SNX31: variants seen among roughly 807,000 people sequenced by gnomAD.
SNX31 encodes sorting nexin-31.
In SNX31, 58 loss-of-function variants were observed where a neutral mutation model predicts 65.4. The ratio of observed to expected loss-of-function variants is 0.89; its 90% confidence interval spans 0.72 to 1.10. SNX31 has a LOEUF of 1.10. SNX31 is among the 50% of genes least tolerant of loss of function. SNX31 has a pLI of 0.00. For missense variants in SNX31, 523 were observed against 529.7 expected (o/e 0.99, Z 0.12); for synonymous variants, 181 against 190.1 (o/e 0.95, Z 0.39).
At chr8:100,645,554 G>A (rs1481755068) in intron 2 of SNX31, among the ~76,000 whole-genome samples, 1 of 151,576 alleles carries the variant, frequency 6.6e-6, no homozygotes, top group Non-Finnish European at 1.5e-5. Context: ...AATTTAATTG[G>A]GAGACTTTGT....
In SNX31 at chr8:100,635,960, G is replaced by A. The variant is rs1319921726; in HGVS notation, c.193C>T (p.Leu65=). ...TCAGCCATAGCTGTGGTCATTGCCA[G>A]ATAGTACTTTGGTGGGAAGGGTGGC... ...CLPPFPPKYY[L]AMTTAMADER... Residue 65 remains leucine (L), a synonymous_variant, in exon 3 of 14, where the codon CTG becomes TTG. Coordinates refer to ENST00000311812, the MANE Select transcript of SNX31 (RefSeq NM_152628.4). The A allele has an allele frequency of 1.2e-6, 2 of 1,614,182 alleles. No individual in the cohort carries two copies. The highest frequency in any genetic ancestry group is 8.5e-7 in the Non-Finnish European group (1 of 1,180,014).
chr8:100,574,723 C>T (rs1812900954), intron 13 of SNX31, among the ~76,000 whole-genome samples: 1 of 152,008 alleles, frequency 6.6e-6, no homozygotes, highest in African/African-American at 2.4e-5. Context: ...CACTTGAGGC[C>T]AGGAGTACGA....
rs1303298608 is a variant in SNX31, at chr8:100,600,348, C to A, written c.774+1G>T. On this transcript the variant is annotated splice_donor_variant, in intron 9 of 13. Coordinates refer to ENST00000311812, the MANE Select transcript of SNX31 (RefSeq NM_152628.4). LOFTEE classifies it high-confidence loss of function. ...TTCTCTTGGAGCAATATTTGATTCA[C>A]CTTTGTTTGACTGTCTTCTTTCTGG... 6 of 1,612,450 alleles carry A rather than the reference C, an allele frequency of 3.7e-6. No individual in the cohort carries two copies.
At chr8:100,616,861 G>A (rs1041655548) in intron 5 of SNX31, among the ~76,000 whole-genome samples, 5 of 152,290 alleles carry the variant, frequency 3.3e-5, no homozygotes, top group African/African-American at 9.6e-5. Flanking sequence ...TCCTTTGAAA[G>A]GTCCTAGAAA....
chr8:100,641,010 C>A (rs1819134056), intron 2 of SNX31, among the ~76,000 whole-genome samples: 4 of 152,026 alleles, frequency 2.6e-5, no homozygotes. Context: ...TAATATAAAA[C>A]CTTAATAATA....
At position 100,614,122 on chromosome 8, in the gene SNX31, G is replaced by A. The variant is rs1052590655; in HGVS notation, c.433-1037C>T. ...CTCAGCATAGCTTTGAAAATAAAGA[G>A]CAGCTGAGGAATAGTTTCACCACTT... On this transcript the variant is annotated intron_variant, in intron 5 of 13. Coordinates refer to ENST00000311812, the MANE Select transcript of SNX31 (RefSeq NM_152628.4). This position sits in a 1 kb window ranked among gnomAD's most constrained non-coding sequence, Gnocchi z 5.1. Among the ~76,000 whole-genome samples, 6 of 152,194 alleles carry A rather than the reference G, an allele frequency of 3.9e-5. No homozygotes were observed. The highest frequency in any genetic ancestry group is 5.9e-5 in the Non-Finnish European group (4 of 68,044).
rs1343162776 is a variant in SNX31, at chr8:100,612,602, T to A, written c.523+393A>T. On this transcript the variant is annotated intron_variant, in intron 6 of 13. Coordinates refer to ENST00000311812, the MANE Select transcript of SNX31 (RefSeq NM_152628.4). The surrounding 1 kb of genome is among the most constrained non-coding windows in gnomAD (Gnocchi z 4.3). ...TTGAAAAAAGAATCTAATAACTCAT[T>A]GATACCATCCACAAATATTCCTTAA... 6.6e-6 allele frequency among the ~76,000 whole-genome samples: 1 copy of A among 152,178 alleles called. No individual in the cohort carries two copies. The highest frequency in any genetic ancestry group is 1.5e-5 in the Non-Finnish European group (1 of 68,026).
intron 10 of SNX31, among the ~76,000 whole-genome samples, chr8:100,592,984 C>T (rs1008080044): frequency 6.6e-6 from 1 of 152,150 alleles, no homozygotes; most frequent in Admixed American, 6.5e-5. Context: ...ATAGGCAAAT[C>T]TATTCTATAG....
At chr8:100,646,951 G>A (rs965252783) in intron 2 of SNX31, among the ~76,000 whole-genome samples, 2 of 152,256 alleles carry the variant, frequency 1.3e-5, no homozygotes. Flanking sequence ...TATGACTTTA[G>A]GAAAATTGTG....
At chr8:100,593,713 C>A (rs1814799850) in intron 10 of SNX31, among the ~76,000 whole-genome samples, 1 of 152,022 alleles carries the variant, frequency 6.6e-6, no homozygotes, top group African/African-American at 2.4e-5. Flanking sequence ...CTCGGCCTCC[C>A]AAAGTGCTGG....
chr8:100,649,407 C>T (rs371256946), intron 1 of SNX31, 42 bp downstream of exon 1: 243 of 1,596,828 alleles, frequency 1.5e-4, no homozygotes, highest in Non-Finnish European at 2.0e-4. Context: ...GCATTGCCAC[C>T]GGCCCCCTCC....
intron 12 of SNX31, among the ~76,000 whole-genome samples, chr8:100,577,821 C>T (rs1291889541): frequency 6.6e-6 from 1 of 152,138 alleles, no homozygotes; most frequent in Non-Finnish European, 1.5e-5. Context: ...ATTCCAGCCC[C>T]AGAGACCCAG....
chr8:100,652,664 C>T (rs773138979), upstream of SNX31, among the ~76,000 whole-genome samples: 7 of 152,022 alleles, frequency 4.6e-5, no homozygotes, highest in Non-Finnish European at 8.8e-5. Context: ...ATCTTTTTGG[C>T]TCTTTGATAT....
At position 100,604,921 on chromosome 8, in the gene SNX31, CAG is replaced by C. The variant is rs1460508771; in HGVS notation, c.681+3571_681+3572del. Among the ~76,000 whole-genome samples the C allele has an allele frequency of 2.0e-4, 30 of 150,618 alleles. No homozygotes were observed. In the East Asian group the frequency reaches 5.7e-3, roughly 28 times the overall value. ...AGTCTTTTTTTTTCTTTTTTTTTGA[CAG>C]AGTCTCGTGCTGTCACCCAAGCAGG... On this transcript the variant is annotated intron_variant, in intron 8 of 13. Coordinates refer to ENST00000311812, the MANE Select transcript of SNX31 (RefSeq NM_152628.4). This position sits in a 1 kb window ranked among gnomAD's most constrained non-coding sequence, Gnocchi z 4.3.
At chr8:100,657,593 G>A (rs1820072429) in intron 1 of SNX31, 2 of 445,164 alleles carry the variant, frequency 4.5e-6, no homozygotes, top group Admixed American at 4.8e-5. Flanking sequence ...TACCTGTGGA[G>A]TCCAGACTGT....
chr8:100,662,254 C>T (rs1004473679), intron 1 of SNX31, among the ~76,000 whole-genome samples: 1 of 152,184 alleles, frequency 6.6e-6, no homozygotes, highest in Non-Finnish European at 1.5e-5. Context: ...ATGACAGAGC[C>T]AGGATATGAA....
At chr8:100,608,376 A>C in intron 8 of SNX31, 118 bp downstream of exon 8, 1 of 856,546 alleles carries the variant, frequency 1.2e-6, no homozygotes, top group Non-Finnish European at 1.9e-6. Context: ...TGTCTCTATG[A>C]ATGTGCCTGT....
chr8:100,616,266 A>G (rs1409278315), intron 5 of SNX31, among the ~76,000 whole-genome samples: 1 of 152,216 alleles, frequency 6.6e-6, no homozygotes, highest in Non-Finnish European at 1.5e-5. Flanking sequence ...CACTGGCTTC[A>G]GCTGCAGGCA....
intron 4 of SNX31, among the ~76,000 whole-genome samples, chr8:100,624,903 G>C (rs1156340938): frequency 6.6e-6 from 1 of 152,056 alleles, no homozygotes; most frequent in Non-Finnish European, 1.5e-5. Flanking sequence ...CTGGGCTCAA[G>C]CAATCCTCCT....
Sources: gnomAD v4.1 joint callset for allele counts (sites outside exome capture counted in the v4.1 genomes callset) on GRCh38, gnomAD v4.1.1 for gene constraint, Gnocchi (gnomAD v3.1) non-coding constraint, MANE v1.5 for transcripts, NCBI Gene and HGNC (gene_info 2026-07-23, HGNC 2026-07-21) for gene names.